The following LHX8 variants were observed in gnomAD, a reference collection of about 807,000 sequenced individuals.
The protein encoded by LHX8 is LIM homeobox 8.
LHX8 carries 12 observed loss-of-function variants against 40.3 expected under a neutral mutation model. That is an observed-to-expected ratio of 0.30 (90% CI 0.19 to 0.48). The LOEUF (loss-of-function observed/expected upper bound fraction) is 0.48, where lower values mean the gene tolerates loss of function less well. Ranked by LOEUF, LHX8 falls within the 20% of genes least tolerant of loss-of-function variation. The probability of loss-of-function intolerance (pLI) is 0.99; values close to 1 mark genes in which losing one functional copy is unlikely to be tolerated. For missense variants in LHX8, 344 were observed against 433.7 expected, an observed-to-expected ratio of 0.79 and a Z score of 1.84; for synonymous variants, 179 against 162.0, an observed-to-expected ratio of 1.10 and a Z score of -0.80.
the LHX8 span, among the ~76,000 whole-genome samples, chr1:75,195,297 C>T: frequency 6.6e-6 from 1 of 152,226 alleles, no homozygotes; most frequent in African/African-American, 2.4e-5. Context: ...GAGTAGGTAG[C>T]AAGTGTATAG....
At chr1:75,147,381 A>G (rs952540039) in intron 6 of LHX8, among the ~76,000 whole-genome samples, 3 of 152,216 alleles carry the variant, frequency 2.0e-5, no homozygotes, top group Non-Finnish European at 4.4e-5. Flanking sequence ...ACTCTCTGAC[A>G]GAAAGGGAGT....
chr1:75,132,737 C>G (rs1648005411), upstream of LHX8: 1 of 147,120 alleles, frequency 6.8e-6, no homozygotes, highest in Admixed American at 7.0e-5. Context: ...GACAGTACCC[C>G]AGATTCACTT....
chr1:75,169,908 CTG>C, the LHX8 span, among the ~76,000 whole-genome samples: 1 of 152,246 alleles, frequency 6.6e-6, no homozygotes, highest in Non-Finnish European at 1.5e-5. Flanking sequence ...GCCAGTGAAA[CTG>C]GCTCACTTTT....
the LHX8 span, among the ~76,000 whole-genome samples, chr1:75,188,542 C>T: frequency 6.6e-6 from 1 of 152,166 alleles, no homozygotes; most frequent in African/African-American, 2.4e-5. Flanking sequence ...ACAGTTCTCT[C>T]TCTTGGGCTC....
chr1:75,155,922 C>A (rs1648750003), intron 7 of LHX8, among the ~76,000 whole-genome samples: 2 of 151,454 alleles, frequency 1.3e-5, no homozygotes, highest in African/African-American at 4.9e-5. Flanking sequence ...GCTTTAAGTT[C>A]TCAGTAGGGA....
chr1:75,150,786 C>G (rs1375671667), intron 7 of LHX8, among the ~76,000 whole-genome samples: 1 of 151,346 alleles, frequency 6.6e-6, no homozygotes, highest in East Asian at 1.9e-4. Flanking sequence ...AAGCAATTCT[C>G]CTGCCTCAGC....
chr1:75,151,441 G>A (rs533483307), intron 7 of LHX8, among the ~76,000 whole-genome samples: 2 of 152,316 alleles, frequency 1.3e-5, no homozygotes, highest in African/African-American at 4.8e-5. Flanking sequence ...TAATATTAAA[G>A]GCAGCAGGGA....
intron 7 of LHX8, among the ~76,000 whole-genome samples, chr1:75,149,747 G>A (rs530049809): frequency 2.2e-4 from 33 of 152,176 alleles, no homozygotes; most frequent in East Asian, 9.7e-4. Flanking sequence ...GAGTCTCACC[G>A]TGTTGCCCAG....
the LHX8 span, among the ~76,000 whole-genome samples, chr1:75,176,831 A>G: frequency 6.6e-6 from 1 of 152,148 alleles, no homozygotes; most frequent in African/African-American, 2.4e-5. Flanking sequence ...TCTTTAATCC[A>G]TCTTGAATTA....
chr1:75,131,651 G>C (rs976288033), upstream of LHX8: 11 of 152,252 alleles, frequency 7.2e-5, no homozygotes, highest in African/African-American at 2.7e-4. Context: ...GTCAGGGCGG[G>C]TTGATGTTCC....
At chr1:75,198,562 A>G in the LHX8 span, among the ~76,000 whole-genome samples, 1 of 151,698 alleles carries the variant, frequency 6.6e-6, no homozygotes, top group African/African-American at 2.4e-5. Flanking sequence ...GCAGAGTGAC[A>G]GGGTGACGTT....
the LHX8 span, among the ~76,000 whole-genome samples, chr1:75,192,993 T>A: frequency 6.6e-6 from 1 of 152,192 alleles, no homozygotes; most frequent in African/African-American, 2.4e-5. Context: ...CATGCCCAGC[T>A]AGGTGATTTA....
the LHX8 span, among the ~76,000 whole-genome samples, chr1:75,191,368 G>A: frequency 5.3e-5 from 8 of 152,160 alleles, no homozygotes; most frequent in South Asian, 2.1e-4. Flanking sequence ...CACCCCACCC[G>A]CAGCCCCCAC....
chr1:75,142,168 C>G (rs1209066039), intron 4 of LHX8, among the ~76,000 whole-genome samples: 1 of 152,136 alleles, frequency 6.6e-6, no homozygotes, highest in Non-Finnish European at 1.5e-5. Flanking sequence ...AAAGATTTCA[C>G]AAGTGAAAGT....
At chr1:75,131,175 C>CGA, upstream of LHX8, 8 of 245,192 alleles carry the variant, frequency 3.3e-5, no homozygotes, top group South Asian at 1.6e-4. Context: ...TGCCTCGCCC[C>CGA]GATCTCCACA....
At chr1:75,135,800 A>T (rs192109196) in intron 1 of LHX8, among the ~76,000 whole-genome samples, 4 of 152,328 alleles carry the variant, frequency 2.6e-5, no homozygotes, top group Non-Finnish European at 5.9e-5. Flanking sequence ...ATTCAGCTGG[A>T]TATTTTCCAT....
At position 75,136,685 on chromosome 1, in the gene LHX8, G is replaced by C; in HGVS notation, c.71G>C (p.Gly24Ala). The C allele has an allele frequency of 6.5e-7, 1 of 1,545,434 alleles. No homozygotes were observed. Among genetic ancestry groups the C allele is most frequent in the Non-Finnish European group, 8.7e-7 (1 of 1,146,540 alleles). ...ACTCGCAAAGGCGCCGGGGAAGAGGGACTGGTGAGTGCGGAGGGGCTCGCG... is the reference window on the plus strand; with the variant it reads ...ACTCGCAAAGGCGCCGGGGAAGAGGCACTGGTGAGTGCGGAGGGGCTCGCG... Reference protein sequence around the residue: ...GRTRKGAGEEGLVSPEGAGDE... With the variant: ...GRTRKGAGEEALVSPEGAGDE... The change falls in exon 2 of 9, where the codon GGA (glycine) becomes GCA (alanine). Residue 24 changes from glycine (G) to alanine (A), a missense_variant. Around this residue, in one of 3 missense-constraint regions of LHX8, gnomAD observed 108 missense variants for 90.1 expected, o/e 1.20. Coordinates refer to ENST00000356261, the MANE Select transcript of LHX8 (RefSeq NM_001256114.2).
the LHX8 span, among the ~76,000 whole-genome samples, chr1:75,174,253 C>T: frequency 0.017 from 2,614 of 152,168 alleles, 79 homozygotes; most frequent in African/African-American, 0.06. Context: ...TCTACCCTGC[C>T]CCCTATCCTG....
chr1:75,165,336 A>C (rs774035217), downstream of LHX8, among the ~76,000 whole-genome samples: 2 of 152,172 alleles, frequency 1.3e-5, no homozygotes, highest in Non-Finnish European at 2.9e-5. Context: ...AGGGCACCAG[A>C]TTATTTTTAT....
Sources: allele counts gnomAD v4.1 joint callset (sites outside exome capture counted in the v4.1 genomes callset), GRCh38; gene constraint gnomAD v4.1.1; regional missense constraint gnomAD v4.1.1; transcripts MANE v1.5; gene names NCBI Gene and HGNC (gene_info 2026-07-23, HGNC 2026-07-21).